The following KMT2C variants were observed in gnomAD, a reference collection of about 807,000 sequenced individuals.
The protein encoded by KMT2C is histone-lysine N-methyltransferase 2C.
KMT2C carries 88 observed loss-of-function variants against 507.9 expected under a neutral mutation model. The observed-to-expected ratio is 0.17, with a 90% confidence interval of 0.15 to 0.21. The LOEUF (loss-of-function observed/expected upper bound fraction) is 0.21. Among genes scored for constraint, KMT2C ranks in the 10% least tolerant of loss-of-function variants. The pLI is 1.00. For missense variants in KMT2C, 4,954 were observed against 5,957.8 expected, an observed-to-expected ratio of 0.83 and a Z score of 5.55; for synonymous variants, 2,049 against 2,080.8, an observed-to-expected ratio of 0.98 and a Z score of 0.42.
At chr7:152,377,545 G>A (rs1439040414) in intron 1 of KMT2C, among the ~76,000 whole-genome samples, 1 of 152,120 alleles carries the variant, frequency 6.6e-6, no homozygotes, top group Admixed American at 6.5e-5. Context: ...GAAGACCCTG[G>A]CCAACATGGC....
At chr7:152,297,003 A>AAGAAAGAAAGAAAGAAAGAAAG (rs2096507386) in intron 6 of KMT2C, among the ~76,000 whole-genome samples, 1 of 63,610 alleles carries the variant, frequency 1.6e-5, no homozygotes, top group Non-Finnish European at 2.9e-5. Flanking sequence ...AAGAAAAAGA[A>AAGAAAGAAAGAAAGAAAGAAAG]AGAAAGAAAG....
At chr7:152,389,039 C>T (rs1160687210) in intron 1 of KMT2C, among the ~76,000 whole-genome samples, 14 of 152,030 alleles carry the variant, frequency 9.2e-5, no homozygotes, top group South Asian at 6.2e-4. Flanking sequence ...TGAGCCACCG[C>T]GCCCGACCAA....
intron 42 of KMT2C, among the ~76,000 whole-genome samples, chr7:152,164,820 T>A (rs1408923479): frequency 6.6e-6 from 1 of 152,240 alleles, no homozygotes; most frequent in Non-Finnish European, 1.5e-5. Context: ...TGTGTCCCAA[T>A]GTGCTCAATA....
intron 6 of KMT2C, among the ~76,000 whole-genome samples, chr7:152,301,188 C>G (rs901370732): frequency 7.0e-6 from 1 of 143,538 alleles, no homozygotes; most frequent in African/African-American, 2.7e-5. Context: ...AGAGCAAGAC[C>G]CTGTCTCCTA....
At chr7:152,435,427 G>T (rs1442216834) in intron 1 of KMT2C, among the ~76,000 whole-genome samples, 199 bp downstream of exon 1, 1 of 147,922 alleles carries the variant, frequency 6.8e-6, no homozygotes, top group Admixed American at 6.7e-5. Flanking sequence ...CGGGCGGCGC[G>T]GAGCGGGGGA....
At chr7:152,215,340 C>T (rs1182724451) in intron 23 of KMT2C, among the ~76,000 whole-genome samples, 4 of 151,342 alleles carry the variant, frequency 2.6e-5, no homozygotes, top group Non-Finnish European at 4.4e-5. Context: ...GGTGAAACCC[C>T]GCCTCTACTA....
rs551557320 is a variant in KMT2C, at chr7:152,287,316, G to A, written c.850-13449C>T. Among the ~76,000 whole-genome samples the A allele has an allele frequency of 1.2e-4, 18 of 152,274 alleles. No homozygotes were observed. The South Asian group carries it at 3.5e-3, about 30-fold the overall frequency. The stretch of plus-strand genomic sequence containing the variant: ...TCAGTGGAGGCCAAGTGAAAAGCAG[G>A]AACCTTTTGAGCCAGGGTGGTATTC... On this transcript the variant is annotated intron_variant, in intron 6 of 58. Transcript: ENST00000262189.
chr7:152,275,163 C>T (rs2096059018), intron 6 of KMT2C, among the ~76,000 whole-genome samples: 1 of 152,156 alleles, frequency 6.6e-6, no homozygotes, highest in Non-Finnish European at 1.5e-5. Flanking sequence ...TCAAACTCTT[C>T]CTCACTGTCA....
At chr7:152,234,724 G>A (rs2095228172) in intron 16 of KMT2C, among the ~76,000 whole-genome samples, 1 of 152,080 alleles carries the variant, frequency 6.6e-6, no homozygotes, top group South Asian at 2.1e-4. Context: ...AACATAGTGA[G>A]ATGCTGTCTC....
rs1412637014 is a variant in KMT2C at position 152,181,202 on chromosome 7, G to C, written c.6658C>G (p.Gln2220Glu). 1.2e-6 allele frequency: 2 copies of C among 1,614,152 alleles called. No individual in the cohort carries two copies. The highest frequency in any genetic ancestry group is 1.7e-6 in the Non-Finnish European group (2 of 1,180,014). Residue 2220 changes from glutamine to glutamate, a missense_variant, in exon 36 of 59, where the codon CAG (glutamine) becomes GAG (glutamate). Gln to Glu is a conservative substitution (Grantham distance 29). Transcript: ENST00000262189. The part of the protein sequence containing the change: ...PRPGISVPYS[Q>E]PPATPRPRIS... ...CTTGGCCTTGGTGTTGCTGGTGGCTGAGAGTAAGGGACAGAAATTCCAGGT... is the reference window on the plus strand; with the variant it reads ...CTTGGCCTTGGTGTTGCTGGTGGCTCAGAGTAAGGGACAGAAATTCCAGGT...
intron 6 of KMT2C, among the ~76,000 whole-genome samples, chr7:152,275,831 A>T (rs2096070546): frequency 6.6e-6 from 1 of 152,240 alleles, no homozygotes; most frequent in South Asian, 2.1e-4. Flanking sequence ...AATTTCTGCT[A>T]AATTGTTAAA....
At chr7:152,372,232 C>T (rs1044057469) in intron 1 of KMT2C, among the ~76,000 whole-genome samples, 22 of 152,058 alleles carry the variant, frequency 1.4e-4, no homozygotes, top group African/African-American at 4.8e-4. Context: ...CTCAGCTCAC[C>T]GCAACCTCCA....
At chr7:152,264,200 A>C (rs541410370) in intron 8 of KMT2C, among the ~76,000 whole-genome samples, 11 of 152,344 alleles carry the variant, frequency 7.2e-5, no homozygotes, top group African/African-American at 2.6e-4. Context: ...AGTCCTATTT[A>C]TGTCACGTAA....
rs199917150 is a variant in KMT2C at position 152,194,274 on chromosome 7, A to G, written c.4508-13T>C. 1.6e-5 allele frequency: 8 copies of G among 515,934 alleles called. No individual in the cohort carries two copies. The highest frequency in any genetic ancestry group is 2.3e-5 in the Non-Finnish European group (8 of 352,526). The allele number at this position is 515,934 out of a possible 1,614,324, so 32.0% of individuals were successfully genotyped here. A position where few individuals can be genotyped will look rare whatever the true frequency, so the allele number is the denominator to read the frequency against. On this transcript the variant is annotated splice_polypyrimidine_tract_variant and intron_variant, in intron 29 of 58. Coordinates refer to ENST00000262189, the MANE Select transcript of KMT2C (RefSeq NM_170606.3). Reference sequence around the variant, plus strand: ...CCAAGAATTGCTCCTAGAATAAATTAAAAAAAAAAAAGAAACATTAACAGC... The same window carrying G: ...CCAAGAATTGCTCCTAGAATAAATTGAAAAAAAAAAAGAAACATTAACAGC...
chr7:152,163,035 T>C lies in KMT2C; in HGVS notation c.10542A>G (p.Ser3514=). The C allele has an allele frequency of 6.2e-7, 1 of 1,614,182 alleles. No homozygotes were observed. Among genetic ancestry groups the C allele is most frequent in the Non-Finnish European group, 8.5e-7 (1 of 1,180,026 alleles). The change falls in exon 43 of 59, where the codon TCA becomes TCG. Residue 3514 remains serine, a synonymous_variant. Transcript: ENST00000262189. ...TNERRQVGPP[S]FVPDSPSIPV... is the part of the protein sequence containing the mutation. ...GGATTGATGGTGAATCAGGAACAAA[T>C]GAAGGAGGGCCTACCTGCCTTCGCT...
intron 1 of KMT2C, among the ~76,000 whole-genome samples, chr7:152,384,934 T>C (rs1361282974): frequency 6.6e-6 from 1 of 152,268 alleles, no homozygotes; most frequent in Non-Finnish European, 1.5e-5. Context: ...ACATTATCAT[T>C]TTACAACTCT....
chr7:152,394,063 C>G (rs2097522169), intron 1 of KMT2C, among the ~76,000 whole-genome samples: 1 of 152,252 alleles, frequency 6.6e-6, no homozygotes, highest in South Asian at 2.1e-4. Flanking sequence ...CTCAACAAAT[C>G]TTTTCGGCTC....
chr7:152,378,128 A>G (rs2097343308), intron 1 of KMT2C, among the ~76,000 whole-genome samples: 1 of 152,252 alleles, frequency 6.6e-6, no homozygotes, highest in Non-Finnish European at 1.5e-5. Flanking sequence ...AAATTGTTGA[A>G]TAACAACAAA....
At chr7:152,362,240 T>C (rs1403535195) in intron 1 of KMT2C, among the ~76,000 whole-genome samples, 4 of 152,132 alleles carry the variant, frequency 2.6e-5, no homozygotes, top group Non-Finnish European at 1.5e-5. Context: ...CATACAGATA[T>C]CTGGGAGAAA....
Sources: gnomAD v4.1 joint callset for allele counts (sites outside exome capture counted in the v4.1 genomes callset) on GRCh38, gnomAD v4.1.1 for gene constraint, MANE v1.5 for transcripts, NCBI Gene and HGNC (gene_info 2026-07-23, HGNC 2026-07-21) for gene names.